The following HTR1E variants were observed in gnomAD, a reference collection of about 807,000 sequenced individuals.
The protein encoded by HTR1E is 5-hydroxytryptamine receptor 1E, also known as 5-HT-1E.
A neutral mutation model predicts 3.4 loss-of-function variants in HTR1E; 3 were observed. That is an observed-to-expected ratio of 0.89 (90% confidence interval 0.41 to 2.31). The LOEUF (loss-of-function observed/expected upper bound fraction) is 2.31, where lower values mean the gene tolerates loss of function less well. Ranked by LOEUF, HTR1E falls within the 30% of genes most tolerant of loss-of-function variation. The pLI is 0.05. For missense variants in HTR1E, 392 were observed against 467.0 expected, an observed-to-expected ratio of 0.84 and a Z score of 1.48; for synonymous variants, 170 against 182.8, an observed-to-expected ratio of 0.93 and a Z score of 0.56.
At chr6:86,988,319 A>G (rs145319382) in intron 1 of HTR1E, among the ~76,000 whole-genome samples, 2 of 152,266 alleles carry the variant, frequency 1.3e-5, no homozygotes, top group African/African-American at 4.8e-5. Flanking sequence ...TGAAAATCTG[A>G]GATTTTACCC....
At chr6:86,979,711 CA>C (rs994668658) in intron 1 of HTR1E, among the ~76,000 whole-genome samples, 6 of 150,724 alleles carry the variant, frequency 4.0e-5, no homozygotes, top group African/African-American at 9.7e-5. Context: ...AGACACAATC[CA>C]AAAAAAAGGT....
At chr6:87,011,609 G>A (rs538094444) in intron 1 of HTR1E, among the ~76,000 whole-genome samples, 1 of 152,306 alleles carries the variant, frequency 6.6e-6, no homozygotes, top group Non-Finnish European at 1.5e-5. Flanking sequence ...AAGAATGCTA[G>A]GAAAGGGGAA....
intron 1 of HTR1E, among the ~76,000 whole-genome samples, chr6:86,963,579 C>G (rs188551088): frequency 6.6e-6 from 1 of 152,174 alleles, no homozygotes. Flanking sequence ...AACTTTCAGT[C>G]CCACAAGCTC....
intron 1 of HTR1E, among the ~76,000 whole-genome samples, chr6:87,012,745 C>G (rs555489443): frequency 6.6e-6 from 1 of 152,314 alleles, no homozygotes; most frequent in South Asian, 2.1e-4. Context: ...TTCTCAGCTT[C>G]TACGTGTATT....
intron 1 of HTR1E, among the ~76,000 whole-genome samples, chr6:87,011,589 A>T (rs79235925): frequency 6.6e-6 from 1 of 152,332 alleles, no homozygotes; most frequent in East Asian, 1.9e-4. Flanking sequence ...CCCATATTTC[A>T]GATAACTCTA....
At chr6:86,961,909 C>G (rs1313309085) in intron 1 of HTR1E, among the ~76,000 whole-genome samples, 2 of 152,080 alleles carry the variant, frequency 1.3e-5, no homozygotes, top group Non-Finnish European at 2.9e-5. Flanking sequence ...CTGAGTAATC[C>G]CTTTTAAATC....
chr6:86,982,054 C>T (rs1014499305), intron 1 of HTR1E, among the ~76,000 whole-genome samples: 1 of 152,216 alleles, frequency 6.6e-6, no homozygotes, highest in African/African-American at 2.4e-5. Context: ...AGAATAAGAA[C>T]CAGGTGGGCT....
intron 1 of HTR1E, among the ~76,000 whole-genome samples, chr6:86,997,638 T>C (rs1398935811): frequency 6.6e-6 from 1 of 151,800 alleles, no homozygotes; most frequent in African/African-American, 2.4e-5. Flanking sequence ...TAACATAACA[T>C]ATGCAGGACT....
At chr6:86,945,099 T>C (rs945765589) in intron 1 of HTR1E, among the ~76,000 whole-genome samples, 2 of 152,052 alleles carry the variant, frequency 1.3e-5, no homozygotes, top group Non-Finnish European at 2.9e-5. Context: ...GAAAACAGCA[T>C]TGTTATTACA....
chr6:86,971,793 C>T (rs1191169070), intron 1 of HTR1E, among the ~76,000 whole-genome samples: 1 of 152,092 alleles, frequency 6.6e-6, no homozygotes, highest in Non-Finnish European at 1.5e-5. Flanking sequence ...CTAGAGATTC[C>T]ATCGCCCAAG....
chr6:86,959,340 G>A (rs564627842), intron 1 of HTR1E, among the ~76,000 whole-genome samples: 1 of 152,226 alleles, frequency 6.6e-6, no homozygotes, highest in South Asian at 2.1e-4. Context: ...AGCACTCTGG[G>A]AGGCCAAGGC....
In HTR1E at chr6:86,937,653, G is replaced by T; in HGVS notation, c.-356G>T. Reference sequence around the variant, plus strand: ...GGCGGGCACTGGCGCGGGCAAGGACGCTGGCGGGGAGAACGCCCTGGGCTC... The same window carrying T: ...GGCGGGCACTGGCGCGGGCAAGGACTCTGGCGGGGAGAACGCCCTGGGCTC... On this transcript the variant is annotated 5_prime_UTR_variant, in exon 1 of 2. Transcript: ENST00000305344. The T allele has an allele frequency of 6.5e-6, 1 of 152,928 alleles. No homozygotes were observed. The allele number at this position is 152,928 out of a possible 1,614,324, so 9.5% of individuals were successfully genotyped here. A position where few individuals can be genotyped will look rare whatever the true frequency, so the allele number is the denominator to read the frequency against.
intron 1 of HTR1E, among the ~76,000 whole-genome samples, chr6:87,014,076 CAG>C (rs1162984015): frequency 6.6e-6 from 1 of 151,986 alleles, no homozygotes; most frequent in Non-Finnish European, 1.5e-5. Context: ...CACCTGGACA[CAG>C]GGCAGGGAAC....
intron 1 of HTR1E, among the ~76,000 whole-genome samples, chr6:86,977,765 T>C (rs146874836): frequency 1.3e-5 from 2 of 152,304 alleles, no homozygotes; most frequent in East Asian, 1.9e-4. Flanking sequence ...GGTGAGATGG[T>C]ATCATATTGT....
chr6:86,967,205 G>GA (rs1293538381), intron 1 of HTR1E, among the ~76,000 whole-genome samples: 1 of 151,808 alleles, frequency 6.6e-6, no homozygotes, highest in Non-Finnish European at 1.5e-5. Flanking sequence ...AAAGGCAAGG[G>GA]AAAAAAACAG....
intron 1 of HTR1E, among the ~76,000 whole-genome samples, chr6:86,998,991 G>A (rs376201101): frequency 5.3e-5 from 8 of 152,082 alleles, no homozygotes; most frequent in South Asian, 4.2e-4. Context: ...ACAGAGTCTC[G>A]CCCTGTCACC....
intron 1 of HTR1E, among the ~76,000 whole-genome samples, chr6:86,997,638 T>G (rs1398935811): frequency 6.6e-6 from 1 of 151,800 alleles, no homozygotes; most frequent in Admixed American, 6.6e-5. Flanking sequence ...TAACATAACA[T>G]ATGCAGGACT....
rs1261866445 is a variant in HTR1E, at chr6:86,976,449, T to C, written c.-186+38626T>C. ...ATGTCTAAGCAAGTAATGGAGAAAC[T>C]GTTGGTTCATACACTTTTTGAGAAC... On this transcript the variant is annotated intron_variant, in intron 1 of 1. Coordinates refer to ENST00000305344, the MANE Select transcript of HTR1E (RefSeq NM_000865.3). Among the ~76,000 whole-genome samples, 4 of 152,202 alleles carry C rather than the reference T, an allele frequency of 2.6e-5. No individual in the cohort carries two copies. The South Asian group carries it at 6.2e-4, about 24-fold the overall frequency.
chr6:86,962,695 G>A (rs967966019), intron 1 of HTR1E, among the ~76,000 whole-genome samples: 21 of 152,130 alleles, frequency 1.4e-4, no homozygotes, highest in Non-Finnish European at 2.5e-4. Flanking sequence ...AAAGTTAGCC[G>A]GGTGTAGTGG....
Sources: allele counts gnomAD v4.1 joint callset (sites outside exome capture counted in the v4.1 genomes callset), GRCh38; gene constraint gnomAD v4.1.1; transcripts MANE v1.5; gene names NCBI Gene and HGNC (gene_info 2026-07-23, HGNC 2026-07-21).